The following TRIM13 variants were observed in gnomAD, a reference collection of about 807,000 sequenced individuals.
TRIM13 encodes the protein tripartite motif containing 13, also known as E3 ubiquitin-protein ligase TRIM13.
TRIM13 carries 15 observed loss-of-function variants against 27.1 expected under a neutral mutation model. That is an observed-to-expected ratio of 0.55 (90% CI 0.37 to 0.85). TRIM13 has a LOEUF of 0.85. Ranked by LOEUF, TRIM13 falls within the 40% of genes least tolerant of loss-of-function variation. The pLI is 0.00. For synonymous variants in TRIM13, 193 were observed against 171.5 expected, an observed-to-expected ratio of 1.13 and a Z score of -0.98; for missense variants, 402 against 472.2, an observed-to-expected ratio of 0.85 and a Z score of 1.38.
chr13:50,009,020 CAAAA>C (rs35407149), intron 1 of TRIM13, among the ~76,000 whole-genome samples: 8 of 68,066 alleles, frequency 1.2e-4, no homozygotes, highest in African/African-American at 2.1e-4. Flanking sequence ...AAAGCTGTCT[CAAAA>C]AAAAAAAAAA....
intron 1 of TRIM13, among the ~76,000 whole-genome samples, chr13:50,000,619 T>A: frequency 6.6e-6 from 1 of 152,244 alleles, no homozygotes; most frequent in East Asian, 1.9e-4. Flanking sequence ...AAAATTGTAT[T>A]ATGCTACCAG....
rs200474686 is a variant in TRIM13 at position 50,015,768 on chromosome 13, G to A, written c.*2604G>A. 21 of 1,614,046 alleles carry A rather than the reference G, an allele frequency of 1.3e-5. No homozygotes were observed. In the East Asian group the frequency reaches 1.6e-4, roughly 12 times the overall value. ...AGAGAGGCTCTTTTCTATGAACTTC[G>A]TTCTCTAGTTGATCTCTTAAACCCA... On this transcript the variant is annotated 3_prime_UTR_variant, in exon 2 of 2. Transcript: ENST00000378182.
chr13:50,009,293 G>T (rs1875238484), intron 1 of TRIM13, among the ~76,000 whole-genome samples: 1 of 152,126 alleles, frequency 6.6e-6, no homozygotes, highest in African/African-American at 2.4e-5. Context: ...TAACCTGTTG[G>T]AATATATTAT....
Position 50,016,186 on chromosome 13 carries a change from T to A in TRIM13, c.*3022T>A. The A allele has an allele frequency of 1.3e-6, 1 of 776,174 alleles. No individual in the cohort carries two copies. The highest frequency in any genetic ancestry group is 2.1e-6 in the Non-Finnish European group (1 of 482,770). The allele number at this position is 776,174 out of a possible 1,614,324, so 48.1% of individuals were successfully genotyped here. ...AAAAGATGATTATTCAAAATAATGT[T>A]TTGGGGTAACCAGTGGAGTTGGGTA... On this transcript the variant is annotated 3_prime_UTR_variant, in exon 2 of 2. Coordinates refer to ENST00000378182, the MANE Select transcript of TRIM13 (RefSeq NM_213590.3).
chr13:50,006,997 A>G (rs1874804185), intron 1 of TRIM13, among the ~76,000 whole-genome samples: 1 of 151,294 alleles, frequency 6.6e-6, no homozygotes, highest in African/African-American at 2.4e-5. Context: ...CCTGGGCAAC[A>G]TGGTGAAACC....
At chr13:50,008,514 TGTA>T in intron 1 of TRIM13, among the ~76,000 whole-genome samples, 1 of 151,604 alleles carries the variant, frequency 6.6e-6, no homozygotes, top group Non-Finnish European at 1.5e-5. Flanking sequence ...GGTGCATGCC[TGTA>T]GTCTTAGCTA....
chr13:50,010,040 CTTTTTTTTTT>C lies in TRIM13; in HGVS notation c.-6-1881_-6-1872del, dbSNP rs760914119. Among the ~76,000 whole-genome samples, 6 of 117,142 alleles carry C rather than the reference CTTTTTTTTTT, an allele frequency of 5.1e-5. No homozygotes were observed. The East Asian group carries it at 1.3e-3, about 25-fold the overall frequency. 76.8% of individuals were successfully genotyped at this position (117,142 alleles called of 152,430 possible). ...AAATAGCCTTTTCAGGTAATTTAAT[CTTTTTTTTTT>C]TTTTTTTTTTTTTCCTGAGGCAAGG... On this transcript the variant is annotated intron_variant, in intron 1 of 1. Transcript: ENST00000378182.
At chr13:50,011,168 A>G (rs558389880) in intron 1 of TRIM13, among the ~76,000 whole-genome samples, 2 of 152,300 alleles carry the variant, frequency 1.3e-5, no homozygotes, top group African/African-American at 4.8e-5. Context: ...CATTGGTACA[A>G]ATGTTGACAT....
At chr13:50,000,562 TATC>T (rs1485847518) in intron 1 of TRIM13, among the ~76,000 whole-genome samples, 1 of 152,122 alleles carries the variant, frequency 6.6e-6, no homozygotes. Context: ...TTCTAGAACA[TATC>T]ATGATGGGGG....
chr13:50,012,879 C>G lies in TRIM13; in HGVS notation c.939C>G (p.Ser313Arg). The change falls in exon 2 of 2, where the codon AGC becomes AGG. Residue 313 changes from serine to arginine, a missense_variant. Physicochemically the swap from Ser to Arg is moderately radical, Grantham distance 110. Around this residue, in one of 2 missense-constraint regions of TRIM13, gnomAD observed 200 missense variants for 194.7 expected, o/e 1.03. Transcript: ENST00000378182. The stretch of plus-strand genomic sequence containing the variant: ...CATTCATTAGCAAGATTCCCTGGAG[C>G]TTTTATAAGTTATTTTTGCTAATCC... ...TGTFISKIPW[S>R]FYKLFLLILL... 6.2e-7 allele frequency: 1 copy of G among 1,613,976 alleles called. No homozygotes were observed. Among genetic ancestry groups the G allele is most frequent in the Non-Finnish European group, 8.5e-7 (1 of 1,180,004 alleles).
Position 50,015,113 on chromosome 13 carries a change from A to AGT in TRIM13, c.*1949_*1950insGT, listed in dbSNP as rs1876338771. On this transcript the variant is annotated 3_prime_UTR_variant, in exon 2 of 2. Transcript: ENST00000378182. ...AAAAAAAATATATATATATATATAT[A>AGT]TATATATATATATATATATATATAT... 1 of 17,474 alleles carries AGT rather than the reference A, an allele frequency of 5.7e-5. No individual in the cohort carries two copies. Among genetic ancestry groups the AGT allele is most frequent in the Admixed American group, 5.6e-4 (1 of 1,770 alleles). 1.1% of individuals were successfully genotyped at this position (17,474 alleles called of 1,614,324 possible).
At position 50,016,071 on chromosome 13, in the gene TRIM13, G is replaced by C. The variant is rs376586545; in HGVS notation, c.*2907G>C. ...ACTACTGATAACCAAACTGGAGTCA[G>C]GTATTTTGTACTTTGCAGTATTTCT... On this transcript the variant is annotated 3_prime_UTR_variant, in exon 2 of 2. Transcript: ENST00000378182. 8 of 1,610,306 alleles carry C rather than the reference G, an allele frequency of 5.0e-6. No individual in the cohort carries two copies. In the East Asian group the frequency reaches 8.9e-5, roughly 18 times the overall value.
Position 50,016,100 on chromosome 13 carries a change from G to T in TRIM13, c.*2936G>T. ...TTTTGTACTTTGCAGTATTTCTCTT[G>T]TATACCAGTTTGTGATGTTTTCTCT... On this transcript the variant is annotated 3_prime_UTR_variant, in exon 2 of 2. Transcript: ENST00000378182. 6.6e-7 allele frequency: 1 copy of T among 1,509,940 alleles called. No homozygotes were observed. Among genetic ancestry groups the T allele is most frequent in the Non-Finnish European group, 9.2e-7 (1 of 1,091,018 alleles). The allele number at this position is 1,509,940 out of a possible 1,614,324, so 93.5% of individuals were successfully genotyped here. A position where few individuals can be genotyped will look rare whatever the true frequency, so the allele number is the denominator to read the frequency against.
At chr13:50,000,656 G>A (rs961649568) in intron 1 of TRIM13, among the ~76,000 whole-genome samples, 4 of 152,200 alleles carry the variant, frequency 2.6e-5, no homozygotes, top group Admixed American at 6.5e-5. Context: ...GCACATGCAC[G>A]GACACATGGG....
At chr13:50,005,141 A>G (rs1210916659) in intron 1 of TRIM13, among the ~76,000 whole-genome samples, 1 of 151,982 alleles carries the variant, frequency 6.6e-6, no homozygotes, top group Non-Finnish European at 1.5e-5. Context: ...TTTTTTGTTC[A>G]TGTCAAAGGA....
chr13:49,999,075 T>A (rs1168234901), intron 1 of TRIM13, among the ~76,000 whole-genome samples: 1 of 144,938 alleles, frequency 6.9e-6, no homozygotes, highest in Non-Finnish European at 1.6e-5. Context: ...ATATGGGGTT[T>A]CTCACTCCCT....
At position 50,012,748 on chromosome 13, in the gene TRIM13, T is replaced by G. The variant is rs1875809001; in HGVS notation, c.808T>G (p.Ser270Ala). Residue 270 changes from serine (S) to alanine (A), a missense_variant, in exon 2 of 2, where the codon TCT becomes GCT. By Grantham distance (99) the Ser-to-Ala change is moderately conservative. Transcript: ENST00000378182. ...KVIKETPLPP[S>A]NLPASPLMKN... ...AATCAAGGAAACTCCTTTACCTCCC[T>G]CTAATTTGCCTGCAAGCCCTTTAAT... The G allele has an allele frequency of 6.2e-7, 1 of 1,614,020 alleles. No individual in the cohort carries two copies. The highest frequency in any genetic ancestry group is 1.3e-5 in the African/African-American group (1 of 75,030).
intron 1 of TRIM13, among the ~76,000 whole-genome samples, chr13:49,998,584 A>G (rs569117978): frequency 2.0e-5 from 3 of 152,150 alleles, no homozygotes; most frequent in Admixed American, 6.5e-5. Flanking sequence ...ATTCTCACAC[A>G]TCACACAGGA....
chr13:50,002,940 C>A (rs1216471967), intron 1 of TRIM13, among the ~76,000 whole-genome samples: 1 of 152,166 alleles, frequency 6.6e-6, no homozygotes, highest in Non-Finnish European at 1.5e-5. Context: ...GGATTACATG[C>A]ATGAGCCAAT....
Sources: allele counts gnomAD v4.1 joint callset (sites outside exome capture counted in the v4.1 genomes callset), GRCh38; gene constraint gnomAD v4.1.1; regional missense constraint gnomAD v4.1.1; transcripts MANE v1.5; gene names NCBI Gene and HGNC (gene_info 2026-07-23, HGNC 2026-07-21).